The following SPIDR variants were observed in gnomAD, a reference collection of about 807,000 sequenced individuals.
SPIDR encodes the protein scaffold protein involved in DNA repair, also known as DNA repair-scaffolding protein.
SPIDR carries 93 observed loss-of-function variants against 104.6 expected under a neutral mutation model. The ratio of observed to expected loss-of-function variants is 0.89; its 90% CI spans 0.75 to 1.06. The LOEUF (loss-of-function observed/expected upper bound fraction) is 1.06. Ranked by LOEUF, SPIDR falls within the 50% of genes least tolerant of loss-of-function variation. SPIDR has a pLI of 0.00. For missense variants in SPIDR, 1,154 were observed against 1,111.2 expected (o/e 1.04, Z -0.55); for synonymous variants, 431 against 416.9 (o/e 1.03, Z -0.41).
chr8:47,611,289 C>G (rs1347778848), intron 10 of SPIDR, among the ~76,000 whole-genome samples: 1 of 152,088 alleles, frequency 6.6e-6, no homozygotes, highest in Non-Finnish European at 1.5e-5. Context: ...ACACTGGGAA[C>G]CAAGGTCCCT....
intron 10 of SPIDR, among the ~76,000 whole-genome samples, chr8:47,619,075 T>C (rs1031767051): frequency 5.9e-5 from 9 of 152,236 alleles, no homozygotes; most frequent in African/African-American, 2.2e-4. Flanking sequence ...TTTTGAACTA[T>C]GTGAATGGGT....
rs754937569 is a variant in SPIDR at position 47,702,022 on chromosome 8, ATC to A, written c.1977+14_1977+15del. 160 of 1,597,332 alleles carry A rather than the reference ATC, an allele frequency of 1.0e-4. 1 individual carries two copies. In the African/African-American group the frequency reaches 2.0e-3, roughly 20 times the overall value. On this transcript the variant is annotated splice_region_variant and intron_variant, in intron 14 of 19. Coordinates refer to ENST00000297423, the MANE Select transcript of SPIDR (RefSeq NM_001080394.4). ...GATTTACCAAAAACCACAGGTAATAATCTCTCTCAATCTCTCAATCTCTCAGC... is the reference window on the plus strand; with the variant it reads ...GATTTACCAAAAACCACAGGTAATAATCTCTCAATCTCTCAATCTCTCAGC...
chr8:47,612,613 A>T (rs2063741012), intron 10 of SPIDR, among the ~76,000 whole-genome samples: 1 of 152,142 alleles, frequency 6.6e-6, no homozygotes, highest in African/African-American at 2.4e-5. Flanking sequence ...CTTCCTAAAT[A>T]TTAATATCTG....
At position 47,391,452 on chromosome 8, in the gene SPIDR, A is replaced by T. The variant is rs149682656; in HGVS notation, c.526-4924A>T. On this transcript the variant is annotated intron_variant, in intron 5 of 19. Transcript: ENST00000297423. ...CTACTTGAGAGGCTGAGGTGGGAGGATCACTCAATCCCAGGAGAGTCAAGG... is the reference window on the plus strand; with the variant it reads ...CTACTTGAGAGGCTGAGGTGGGAGGTTCACTCAATCCCAGGAGAGTCAAGG... Among the ~76,000 whole-genome samples the T allele has an allele frequency of 4.0e-3, 616 of 152,202 alleles. 7 individuals are homozygous for T. The highest frequency in any genetic ancestry group is 0.014 in the African/African-American group (582 of 41,478).
intron 8 of SPIDR, among the ~76,000 whole-genome samples, chr8:47,561,651 T>G (rs1184367426): frequency 2.0e-5 from 3 of 152,198 alleles, no homozygotes; most frequent in Non-Finnish European, 4.4e-5. Context: ...CTAGCTGCAG[T>G]GCCCACCCCT....
intron 6 of SPIDR, among the ~76,000 whole-genome samples, chr8:47,405,132 C>G (rs2062538278): frequency 6.6e-6 from 1 of 151,924 alleles, no homozygotes; most frequent in Non-Finnish European, 1.5e-5. Context: ...CATGTTCTCA[C>G]TCATATGTAG....
intron 8 of SPIDR, among the ~76,000 whole-genome samples, chr8:47,519,289 C>T (rs2083649265): frequency 2.0e-5 from 3 of 152,098 alleles, no homozygotes; most frequent in South Asian, 2.1e-4. Flanking sequence ...GGATTACAGG[C>T]GCATGCCACC....
At position 47,389,771 on chromosome 8, in the gene SPIDR, C is replaced by T. The variant is rs372476094; in HGVS notation, c.526-6605C>T. 1.7e-4 allele frequency among the ~76,000 whole-genome samples: 26 copies of T among 150,832 alleles called. No individual in the cohort carries two copies. In the South Asian group the frequency reaches 4.2e-3, roughly 24 times the overall value. On this transcript the variant is annotated intron_variant, in intron 5 of 19. Transcript: ENST00000297423. ...TGGGTCACCATGTGGCAGCAGTAGG[C>T]AACCTATCAGGAATAACTGTGGTTA...
intron 8 of SPIDR, among the ~76,000 whole-genome samples, chr8:47,459,370 A>G (rs1554711943): frequency 1.3e-5 from 2 of 151,920 alleles, no homozygotes; most frequent in Non-Finnish European, 2.9e-5. Flanking sequence ...AGCTTCCTGT[A>G]TCTTTCCAGG....
chr8:47,323,530 A>G (rs782541974), intron 5 of SPIDR, among the ~76,000 whole-genome samples: 1 of 152,220 alleles, frequency 6.6e-6, no homozygotes, highest in Non-Finnish European at 1.5e-5. Context: ...GTGTTGTGTC[A>G]GTCATCCTAG....
chr8:47,423,296 CA>C (rs34511552), intron 7 of SPIDR, among the ~76,000 whole-genome samples: 70,610 of 128,976 alleles, frequency 0.55, 20,517 homozygotes, highest in East Asian at 0.71. Context: ...GACTCTGTCT[CA>C]AAAAAAAAAA....
At chr8:47,490,312 C>A (rs1350067237) in intron 8 of SPIDR, among the ~76,000 whole-genome samples, 1 of 152,164 alleles carries the variant, frequency 6.6e-6, no homozygotes, top group Non-Finnish European at 1.5e-5. Context: ...CATGTCACAC[C>A]AGTTAGAATG....
intron 8 of SPIDR, among the ~76,000 whole-genome samples, chr8:47,504,339 T>A (rs2081109521): frequency 6.6e-6 from 1 of 152,176 alleles, no homozygotes. Context: ...CGTTTCTTTT[T>A]TTTCTTTTTT....
At chr8:47,696,982 C>T (rs982176859) in intron 11 of SPIDR, among the ~76,000 whole-genome samples, 4 of 152,154 alleles carry the variant, frequency 2.6e-5, no homozygotes, top group African/African-American at 7.2e-5. Context: ...TGGCAGGACT[C>T]CTTCCGCGTG....
Position 47,440,497 on chromosome 8 carries a change from A to T in SPIDR, c.1052A>T (p.Tyr351Phe). 1 of 1,614,206 alleles carries T rather than the reference A, an allele frequency of 6.2e-7. No individual in the cohort carries two copies. Among genetic ancestry groups the T allele is most frequent in the African/African-American group, 1.3e-5 (1 of 75,052 alleles). ...CTCTTCACCAAGGAGACTGCAGGCTACCTCAGGGGCCGTCCCCAGGACACT... is the reference window on the plus strand; with the variant it reads ...CTCTTCACCAAGGAGACTGCAGGCTTCCTCAGGGGCCGTCCCCAGGACACT... ...KVLFTKETAG[Y>F]LRGRPQDTVR... Residue 351 changes from tyrosine (Y) to phenylalanine (F), a missense_variant, in exon 8 of 20, where the codon TAC becomes TTC. Transcript: ENST00000297423.
chr8:47,717,097 C>T (rs2082695129), intron 16 of SPIDR, among the ~76,000 whole-genome samples: 1 of 152,134 alleles, frequency 6.6e-6, no homozygotes, highest in Non-Finnish European at 1.5e-5. Context: ...AGACCGGCTA[C>T]AGGGACAGGG....
At chr8:47,719,133 T>G (rs1308237490) in intron 16 of SPIDR, among the ~76,000 whole-genome samples, 1 of 152,058 alleles carries the variant, frequency 6.6e-6, no homozygotes, top group East Asian at 1.9e-4. Flanking sequence ...CAACGTCAGT[T>G]AGTAAATGTC....
chr8:47,634,913 C>A (rs928262555), intron 10 of SPIDR, among the ~76,000 whole-genome samples: 1 of 152,152 alleles, frequency 6.6e-6, no homozygotes, highest in Non-Finnish European at 1.5e-5. Context: ...CAGATTTCAC[C>A]AGTGCATCTC....
chr8:47,572,789 T>C (rs2058685081), intron 8 of SPIDR, among the ~76,000 whole-genome samples: 1 of 152,136 alleles, frequency 6.6e-6, no homozygotes, highest in Non-Finnish European at 1.5e-5. Flanking sequence ...AAATAAAAGA[T>C]GAAAAAGGCT....
Sources: allele counts gnomAD v4.1 joint callset (sites outside exome capture counted in the v4.1 genomes callset), GRCh38; gene constraint gnomAD v4.1.1; transcripts MANE v1.5; gene names NCBI Gene and HGNC (gene_info 2026-07-23, HGNC 2026-07-21).